CCR3: variants seen among roughly 807,000 people sequenced by gnomAD.
The protein encoded by CCR3 is C-C chemokine receptor type 3.
For synonymous variants in CCR3, 203 were observed against 179.2 expected (o/e 1.13, Z -1.06); for missense variants, 419 against 437.5 (o/e 0.96, Z 0.38).
intron 1 of CCR3, among the ~76,000 whole-genome samples, chr3:46,247,031 C>T (rs968068313): frequency 1.3e-5 from 2 of 152,014 alleles, no homozygotes; most frequent in African/African-American, 2.4e-5. Flanking sequence ...AGGAGAAAAA[C>T]AGGTATAAAA....
rs201980677 is a variant in CCR3 at position 46,265,411 on chromosome 3, G to A, written c.253G>A (p.Val85Ile). 1.8e-4 allele frequency: 294 copies of A among 1,614,054 alleles called. 3 individuals carry two copies. Among genetic ancestry groups the A allele is most frequent in the Admixed American group, 1.7e-3 (100 of 60,018 alleles). Residue 85 changes from valine (V) to isoleucine (I), a missense_variant, in exon 2 of 2, where the codon GTC becomes ATC. Transcript: ENST00000395940. ...GGCCATTTCGGACCTGCTCTTCCTC[G>A]TCACCCTTCCATTCTGGATCCACTA... ...NLAISDLLFL[V>I]TLPFWIHYVR...
At chr3:46,234,630 C>G (rs1341849262) in intron 2 of CCR3, among the ~76,000 whole-genome samples, 2 of 99,940 alleles carry the variant, frequency 2.0e-5, no homozygotes, top group South Asian at 2.8e-4. Context: ...CCACAAAATA[C>G]CCCCTGATTT....
At chr3:46,237,641 A>G (rs1383527348), upstream of CCR3, among the ~76,000 whole-genome samples, 1 of 152,190 alleles carries the variant, frequency 6.6e-6, no homozygotes, top group Non-Finnish European at 1.5e-5. Flanking sequence ...TTCATTCTGC[A>G]TGTGGCTATT....
chr3:46,236,670 A>C (rs1353696420), intron 2 of CCR3, among the ~76,000 whole-genome samples: 1 of 152,134 alleles, frequency 6.6e-6, no homozygotes. Context: ...GCTCCCTCAC[A>C]CTGGGGTCCC....
intron 2 of CCR3, among the ~76,000 whole-genome samples, chr3:46,223,822 G>A (rs1188911000): frequency 6.6e-6 from 1 of 152,150 alleles, no homozygotes; most frequent in East Asian, 1.9e-4. Context: ...ACTTGGCCAC[G>A]GACAGGGTGC....
At chr3:46,222,158 A>G (rs1448318221) in intron 2 of CCR3, among the ~76,000 whole-genome samples, 6 of 152,200 alleles carry the variant, frequency 3.9e-5, no homozygotes, top group African/African-American at 1.2e-4. Context: ...CAGAGCAGTG[A>G]GACAGAGGAA....
chr3:46,214,708 GA>G (rs1489195751), intron 2 of CCR3, among the ~76,000 whole-genome samples: 1 of 152,156 alleles, frequency 6.6e-6, no homozygotes, highest in Non-Finnish European at 1.5e-5. Flanking sequence ...GAGACCAGTA[GA>G]TAGTGCCTCC....
intron 2 of CCR3, among the ~76,000 whole-genome samples, chr3:46,232,515 G>C (rs1289038090): frequency 6.6e-6 from 1 of 152,186 alleles, no homozygotes; most frequent in Non-Finnish European, 1.5e-5. Flanking sequence ...GCATCTCTAG[G>C]GATTGGGCCT....
intron 2 of CCR3, among the ~76,000 whole-genome samples, chr3:46,218,826 C>T (rs1290364683): frequency 6.6e-6 from 1 of 152,002 alleles, no homozygotes; most frequent in East Asian, 1.9e-4. Context: ...AAGGGACATA[C>T]CATAAGGTAA....
At chr3:46,237,339 T>C (rs1700035619) in intron 2 of CCR3, among the ~76,000 whole-genome samples, 1 of 152,236 alleles carries the variant, frequency 6.6e-6, no homozygotes, top group African/African-American at 2.4e-5. Flanking sequence ...TTCTGGATAT[T>C]AGTACTTGGG....
chr3:46,222,366 G>A (rs1222859094), intron 2 of CCR3, among the ~76,000 whole-genome samples: 1 of 152,156 alleles, frequency 6.6e-6, no homozygotes, highest in East Asian at 1.9e-4. Context: ...GGGCTGACAG[G>A]CAGCCTGGTT....
At chr3:46,217,301 C>T (rs1286152588) in intron 2 of CCR3, among the ~76,000 whole-genome samples, 2 of 152,000 alleles carry the variant, frequency 1.3e-5, no homozygotes, top group African/African-American at 2.4e-5. Flanking sequence ...ACTGGAGCTC[C>T]CAAATTTATA....
At chr3:46,217,816 G>A (rs916875623) in intron 2 of CCR3, among the ~76,000 whole-genome samples, 10 of 151,684 alleles carry the variant, frequency 6.6e-5, no homozygotes, top group African/African-American at 9.7e-5. Flanking sequence ...CAGCAAAAGC[G>A]GTGCTAAGAG....
chr3:46,212,393 G>A (rs963394800), intron 2 of CCR3, among the ~76,000 whole-genome samples: 2 of 152,112 alleles, frequency 1.3e-5, no homozygotes, highest in Non-Finnish European at 2.9e-5. Context: ...TCACAGATGG[G>A]CAAAAGTGGT....
At chr3:46,213,867 C>T (rs976762516) in intron 2 of CCR3, among the ~76,000 whole-genome samples, 8 of 152,206 alleles carry the variant, frequency 5.3e-5, no homozygotes, top group African/African-American at 1.4e-4. Flanking sequence ...CATGCCCTCA[C>T]TTCCCATCAT....
intron 1 of CCR3, 30 bp from the exon 2 acceptor site, chr3:46,265,117 GT>G (rs749388102): frequency 2.2e-6 from 3 of 1,394,328 alleles, no homozygotes; most frequent in Non-Finnish European, 3.0e-6. Context: ...ATGCTTCATT[GT>G]GGGATTGTAT....
chr3:46,240,758 C>G (rs1421219812), upstream of CCR3, among the ~76,000 whole-genome samples: 3 of 152,260 alleles, frequency 2.0e-5, no homozygotes, highest in East Asian at 5.8e-4. Flanking sequence ...TCACACAGAT[C>G]CTACAAGCTA....
intron 1 of CCR3, among the ~76,000 whole-genome samples, chr3:46,254,974 C>G (rs1700389818): frequency 1.3e-5 from 2 of 152,094 alleles, no homozygotes; most frequent in Non-Finnish European, 2.9e-5. Flanking sequence ...CAAGGAATCA[C>G]CACATTGTTT....
At chr3:46,236,074 G>A (rs1482728530) in intron 2 of CCR3, among the ~76,000 whole-genome samples, 1 of 152,172 alleles carries the variant, frequency 6.6e-6, no homozygotes, top group Non-Finnish European at 1.5e-5. Context: ...ATACTATGAT[G>A]TATGGTTTGC....
Sources: allele counts gnomAD v4.1 joint callset (sites outside exome capture counted in the v4.1 genomes callset), GRCh38; gene constraint gnomAD v4.1.1; transcripts MANE v1.5; gene names NCBI Gene and HGNC (gene_info 2026-07-23, HGNC 2026-07-21).